LGR6: variants seen among roughly 807,000 people sequenced by gnomAD.
The protein encoded by LGR6 is leucine rich repeat containing G protein-coupled receptor 6.
A neutral mutation model predicts 69.4 loss-of-function variants in LGR6; 45 were observed. The observed-to-expected ratio is 0.65, with a 90% CI of 0.51 to 0.83. LGR6 has a LOEUF of 0.83. LGR6 is among the 40% of genes least tolerant of loss of function. The pLI, the probability that LGR6 is intolerant of heterozygous loss-of-function variation, is 0.00. For synonymous variants in LGR6, 538 were observed against 555.0 expected (o/e 0.97, Z 0.43); for missense variants, 1,108 against 1,246.7 (o/e 0.89, Z 1.68).
intron 6 of LGR6, among the ~76,000 whole-genome samples, chr1:202,295,745 T>C (rs917348970): frequency 1.3e-5 from 2 of 152,170 alleles, no homozygotes; most frequent in African/African-American, 4.8e-5. Flanking sequence ...TCAACAAGGT[T>C]TGACGCATGA....
At chr1:202,231,739 C>G (rs59771802) in intron 3 of LGR6, among the ~76,000 whole-genome samples, 3 of 152,168 alleles carry the variant, frequency 2.0e-5, no homozygotes, top group African/African-American at 7.2e-5. Flanking sequence ...GACCTTGTTA[C>G]GACATCAGCA....
At chr1:202,254,236 G>A (rs186110453) in intron 4 of LGR6, among the ~76,000 whole-genome samples, 6 of 152,338 alleles carry the variant, frequency 3.9e-5, no homozygotes, top group African/African-American at 1.4e-4. Flanking sequence ...ATGAGCCACT[G>A]CACCCAGCCT....
intron 16 of LGR6, among the ~76,000 whole-genome samples, chr1:202,314,544 G>C (rs896710163): frequency 6.6e-6 from 1 of 152,184 alleles, no homozygotes; most frequent in Non-Finnish European, 1.5e-5. Context: ...AGGACATAGA[G>C]CCCTGACTAA....
Position 202,318,813 on chromosome 1 carries a change from A to G in LGR6, c.2510A>G (p.Asp837Gly), listed in dbSNP as rs1443715492. The G allele has an allele frequency of 6.2e-7, 1 of 1,613,356 alleles. No homozygotes were observed. The highest frequency in any genetic ancestry group is 1.1e-5 in the South Asian group (1 of 91,024). Residue 837 changes from aspartate (D) to glycine (G), a missense_variant, in exon 18 of 18, where the codon GAC becomes GGC. By Grantham distance (94) the Asp-to-Gly change is moderately conservative (BLOSUM62 -1). Transcript: ENST00000367278. ...CTCTTCAACCCCCACTTCCGGGATG[A>G]CCTTCGGCGGCTTCGGCCCCGCGCA... The part of the protein sequence containing the change: ...YLLFNPHFRD[D>G]LRRLRPRAGD...
At chr1:202,273,998 C>T (rs1222497717) in intron 4 of LGR6, among the ~76,000 whole-genome samples, 2 of 152,154 alleles carry the variant, frequency 1.3e-5, no homozygotes, top group Admixed American at 1.3e-4. Context: ...AGATGCTGCT[C>T]CCATGGAAAG....
At chr1:202,200,806 CAG>C (rs1658810494) in intron 1 of LGR6, among the ~76,000 whole-genome samples, 1 of 152,112 alleles carries the variant, frequency 6.6e-6, no homozygotes, top group Non-Finnish European at 1.5e-5. Flanking sequence ...GGGCAGTGAG[CAG>C]AGAGTTATTT....
intron 1 of LGR6, among the ~76,000 whole-genome samples, chr1:202,215,367 C>T (rs1294310290): frequency 2.0e-5 from 3 of 152,096 alleles, no homozygotes; most frequent in Non-Finnish European, 4.4e-5. Flanking sequence ...GATTTCCATG[C>T]GAGGAGGGAA....
chr1:202,266,904 GCA>G (rs373412296), intron 4 of LGR6, among the ~76,000 whole-genome samples: 47 of 150,900 alleles, frequency 3.1e-4, no homozygotes, highest in Admixed American at 6.0e-4. Flanking sequence ...TCTAACGCGC[GCA>G]CACACACACA....
chr1:202,254,379 A>G (rs902474691), intron 4 of LGR6, among the ~76,000 whole-genome samples: 1 of 152,186 alleles, frequency 6.6e-6, no homozygotes, highest in Non-Finnish European at 1.5e-5. Flanking sequence ...AGTAGGATAG[A>G]CTGGAGGGGT....
chr1:202,217,671 C>G (rs1291289942), intron 1 of LGR6, among the ~76,000 whole-genome samples: 1 of 152,004 alleles, frequency 6.6e-6, no homozygotes, highest in African/African-American at 2.4e-5. Context: ...ACAAATAACC[C>G]CCCACTCCAG....
At chr1:202,293,273 C>G (rs531204931) in intron 6 of LGR6, among the ~76,000 whole-genome samples, 2 of 152,298 alleles carry the variant, frequency 1.3e-5, no homozygotes, top group South Asian at 2.1e-4. Flanking sequence ...AACACGACTC[C>G]ACAGCACTCA....
intron 5 of LGR6, among the ~76,000 whole-genome samples, chr1:202,277,255 C>A (rs1665639740): frequency 6.6e-6 from 1 of 152,116 alleles, no homozygotes; most frequent in Admixed American, 6.6e-5. Context: ...GCCCCCACGC[C>A]CCCCGCTTTT....
Position 202,225,500 on chromosome 1 carries a change from T to A in LGR6, c.284+6T>A. 6.2e-7 allele frequency: 1 copy of A among 1,612,794 alleles called. No homozygotes were observed. The highest frequency in any genetic ancestry group is 1.1e-5 in the South Asian group (1 of 91,054). ...CTGCGCTTCTTGGAGGAGCTGTGAG[T>A]AGATGCTTTGCAGGGTGGGAGGCAA... On this transcript the variant is annotated splice_donor_region_variant and intron_variant, in intron 2 of 17. Transcript: ENST00000367278.
chr1:202,318,017 G>C lies in LGR6; in HGVS notation c.1714G>C (p.Val572Leu). ...WGIRLAVWAI[V>L]LLSVLCNGLV... ...CATCCGCCTGGCCGTGTGGGCCATC[G>C]TGTTGCTCTCCGTGCTCTGCAATGG... Residue 572 changes from valine (V) to leucine (L), a missense_variant, in exon 18 of 18, where the codon GTG (valine) becomes CTG (leucine). Val to Leu is a conservative substitution (Grantham distance 32). Transcript: ENST00000367278. 1.2e-6 allele frequency: 2 copies of C among 1,614,192 alleles called. No homozygotes were observed. Among genetic ancestry groups the C allele is most frequent in the African/African-American group, 1.3e-5 (1 of 75,070 alleles).
intron 6 of LGR6, among the ~76,000 whole-genome samples, chr1:202,296,495 A>G (rs909601514): frequency 6.6e-6 from 1 of 152,020 alleles, no homozygotes; most frequent in East Asian, 1.9e-4. Context: ...CAAAACTCCA[A>G]TGCTCACCTC....
intron 11 of LGR6, among the ~76,000 whole-genome samples, chr1:202,304,869 A>G (rs1235260490): frequency 6.6e-6 from 1 of 152,222 alleles, no homozygotes; most frequent in Non-Finnish European, 1.5e-5. Context: ...ATCCTCGTCT[A>G]TAACATGGGA....
intron 1 of LGR6, among the ~76,000 whole-genome samples, chr1:202,222,054 C>T (rs998034147): frequency 6.6e-6 from 1 of 152,254 alleles, no homozygotes; most frequent in African/African-American, 2.4e-5. Context: ...GGCCCAGTGC[C>T]TCTTGCCAGG....
In LGR6 at chr1:202,319,066, GGGGAACCACTTT is replaced by G; in HGVS notation, c.2771_2782del (p.His924_Asn927del). The G allele has an allele frequency of 6.2e-7, 1 of 1,614,156 alleles. No individual in the cohort carries two copies. The highest frequency in any genetic ancestry group is 1.1e-5 in the South Asian group (1 of 91,078). ...AGGGCAGCCATTGTGTAGAGCCAGA[GGGGAACCACTTT>G]GGGAACCCCCAACCCTCCATGGATG... On this transcript the variant is annotated inframe_deletion, in exon 18 of 18. Transcript: ENST00000367278.
intron 4 of LGR6, among the ~76,000 whole-genome samples, chr1:202,242,400 C>G (rs1662285757): frequency 6.6e-6 from 1 of 152,180 alleles, no homozygotes; most frequent in South Asian, 2.1e-4. Context: ...CTATCACTAG[C>G]TACGAGGCCA....
Sources: allele counts gnomAD v4.1 joint callset (sites outside exome capture counted in the v4.1 genomes callset), GRCh38; gene constraint gnomAD v4.1.1; transcripts MANE v1.5; gene names NCBI Gene and HGNC (gene_info 2026-07-23, HGNC 2026-07-21).